TFCP2L1: variants seen among roughly 807,000 people sequenced by gnomAD.
The protein encoded by TFCP2L1 is transcription factor CP2 like 1, also known as transcription factor CP2-like protein 1.
In TFCP2L1, 12 loss-of-function variants were observed where a neutral mutation model predicts 72.2. The observed-to-expected ratio is 0.17, with a 90% CI of 0.11 to 0.27. The LOEUF (loss-of-function observed/expected upper bound fraction) is 0.27, where lower values mean the gene tolerates loss of function less well. Among genes scored for constraint, TFCP2L1 ranks in the 10% least tolerant of loss-of-function variants. The pLI is 1.00. For synonymous variants in TFCP2L1, 260 were observed against 251.0 expected, an observed-to-expected ratio of 1.04 and a Z score of -0.34; for missense variants, 488 against 624.6, an observed-to-expected ratio of 0.78 and a Z score of 2.33.
intron 2 of TFCP2L1, among the ~76,000 whole-genome samples, chr2:121,274,037 T>C (rs747271607): frequency 7.6e-5 from 11 of 144,022 alleles, no homozygotes; most frequent in Admixed American, 5.2e-4. Flanking sequence ...GAGGTTGCAG[T>C]GAGCCGAGGT....
chr2:121,285,120 C>A lies in TFCP2L1; in HGVS notation c.-11G>T. The A allele has an allele frequency of 6.7e-7, 1 of 1,491,698 alleles. No individual in the cohort carries two copies. Among genetic ancestry groups the A allele is most frequent in the East Asian group, 2.9e-5 (1 of 35,084 alleles). The allele number at this position is 1,491,698 out of a possible 1,614,324, so 92.4% of individuals were successfully genotyped here. A position where few individuals can be genotyped will look rare whatever the true frequency, so the allele number is the denominator to read the frequency against. ...GTGCCAGAAGAGCATGGCTGGAACTCCCAGCGCGCCGACCGGGGCGCGGCA... is the reference window on the plus strand; with the variant it reads ...GTGCCAGAAGAGCATGGCTGGAACTACCAGCGCGCCGACCGGGGCGCGGCA... On this transcript the variant is annotated 5_prime_UTR_variant, in exon 1 of 15. Transcript: ENST00000263707.
chr2:121,267,083 A>T (rs1292040307), intron 2 of TFCP2L1, among the ~76,000 whole-genome samples: 1 of 151,734 alleles, frequency 6.6e-6, no homozygotes, highest in African/African-American at 2.4e-5. Context: ...ACGCCCAGCT[A>T]ATTTTTGTAT....
Position 121,269,918 on chromosome 2 carries a change from A to AAAAAAAAAAAAAAAAAAAATAT in TFCP2L1, c.214+11201_214+11202insATATTTTTTTTTTTTTTTTTTT. Among the ~76,000 whole-genome samples the AAAAAAAAAAAAAAAAAAAATAT allele has an allele frequency of 7.5e-4, 86 of 115,100 alleles. 1 individual carries two copies. Among genetic ancestry groups the AAAAAAAAAAAAAAAAAAAATAT allele is most frequent in the African/African-American group, 2.2e-3 (59 of 26,876 alleles). 75.5% of individuals were successfully genotyped at this position (115,100 alleles called of 152,430 possible). On this transcript the variant is annotated intron_variant, in intron 2 of 14. Coordinates refer to ENST00000263707, the MANE Select transcript of TFCP2L1 (RefSeq NM_014553.3). ...AGCAAGACTCCATCTAAAAAAAAAAAATATATATATATATATATGCAAAAG... is the reference window on the plus strand; with the variant it reads ...AGCAAGACTCCATCTAAAAAAAAAAAAAAAAAAAAAAAAAAAAAATATATATATATATATATATATGCAAAAG...
chr2:121,262,725 T>C (rs1686849886), intron 2 of TFCP2L1, among the ~76,000 whole-genome samples: 1 of 152,158 alleles, frequency 6.6e-6, no homozygotes, highest in African/African-American at 2.4e-5. Context: ...TAGGTTAACA[T>C]TATGGGAAAC....
At position 121,283,023 on chromosome 2, in the gene TFCP2L1, G is replaced by T. The variant is rs373488245; in HGVS notation, c.63-1752C>A. On this transcript the variant is annotated intron_variant, in intron 1 of 14. Coordinates refer to ENST00000263707, the MANE Select transcript of TFCP2L1 (RefSeq NM_014553.3). ...TCAGAGCAGGGCACACTCCCAGCCC[G>T]GGTGGTTCTCTAGGAACACTGAGGA... Among the ~76,000 whole-genome samples, 102 of 152,254 alleles carry T rather than the reference G, an allele frequency of 6.7e-4. 5 individuals are homozygous for T. The South Asian group carries it at 0.02, about 29-fold the overall frequency.
At chr2:121,235,574 C>CTTTTT (rs34634906) in intron 10 of TFCP2L1, among the ~76,000 whole-genome samples, 3 of 119,842 alleles carry the variant, frequency 2.5e-5, no homozygotes, top group South Asian at 2.9e-4. Context: ...TTCTTTCTTT[C>CTTTTT]TTTTTTTTTT....
intron 2 of TFCP2L1, among the ~76,000 whole-genome samples, chr2:121,257,427 CG>C (rs1686749937): frequency 6.6e-6 from 1 of 152,318 alleles, no homozygotes; most frequent in East Asian, 1.9e-4. Flanking sequence ...GCCACACAAA[CG>C]GGTGTGGAAA....
At chr2:121,231,710 T>A (rs1573359073) in intron 13 of TFCP2L1, 116 bp downstream of exon 13, 2 of 1,427,376 alleles carry the variant, frequency 1.4e-6, no homozygotes, top group African/African-American at 2.8e-5. Context: ...GCAGGTGGTG[T>A]GCAGATGAAC....
At chr2:121,242,855 C>G (rs1447055234) in intron 6 of TFCP2L1, among the ~76,000 whole-genome samples, 2 of 152,146 alleles carry the variant, frequency 1.3e-5, no homozygotes, top group African/African-American at 4.8e-5. Flanking sequence ...TGGCCATAAG[C>G]TGAAGGCCTC....
intron 2 of TFCP2L1, among the ~76,000 whole-genome samples, chr2:121,255,702 T>C (rs554355229): frequency 3.3e-5 from 5 of 151,756 alleles, no homozygotes; most frequent in Admixed American, 2.6e-4. Context: ...CCCATCTGGC[T>C]CCAATATTCA....
intron 8 of TFCP2L1, among the ~76,000 whole-genome samples, chr2:121,238,404 A>G (rs1453157676): frequency 6.6e-6 from 1 of 152,192 alleles, no homozygotes; most frequent in Non-Finnish European, 1.5e-5. Context: ...GAGGGGGTGC[A>G]CAAGCTTCCT....
At chr2:121,250,377 T>C (rs1005556842) in intron 2 of TFCP2L1, among the ~76,000 whole-genome samples, 14 of 148,474 alleles carry the variant, frequency 9.4e-5, no homozygotes, top group African/African-American at 3.3e-4. Flanking sequence ...CACACACACA[T>C]ACATATATGT....
At chr2:121,248,366 C>A (rs972543059) in intron 4 of TFCP2L1, 96 bp from the exon 5 acceptor site, 21 of 944,524 alleles carry the variant, frequency 2.2e-5, no homozygotes, top group African/African-American at 3.4e-5. Context: ...TCCTTCGCCC[C>A]AATTTGCAAT....
chr2:121,276,281 G>A (rs1369765410), intron 2 of TFCP2L1, among the ~76,000 whole-genome samples: 1 of 142,544 alleles, frequency 7.0e-6, no homozygotes, highest in Non-Finnish European at 1.5e-5. Flanking sequence ...TATTCTCATT[G>A]TTCAACTCCC....
At chr2:121,226,911 T>C (rs561983733) in intron 13 of TFCP2L1, among the ~76,000 whole-genome samples, 194 of 152,310 alleles carry the variant, frequency 1.3e-3, no homozygotes, top group African/African-American at 4.4e-3. Context: ...GACAAAGTTC[T>C]ACATCACAAA....
chr2:121,253,246 G>A (rs539446433), intron 2 of TFCP2L1, among the ~76,000 whole-genome samples: 1 of 152,338 alleles, frequency 6.6e-6, no homozygotes, highest in Admixed American at 6.5e-5. Context: ...CCCCAGTGCT[G>A]CTCATGGTGA....
chr2:121,246,713 T>C, intron 6 of TFCP2L1, 105 bp downstream of exon 6: 2 of 1,455,136 alleles, frequency 1.4e-6, no homozygotes, highest in South Asian at 1.3e-5. Context: ...GGATGCTGCG[T>C]TCCTCGCTGG....
chr2:121,283,154 A>AGTAACTTGTT (rs1486710369), intron 1 of TFCP2L1, among the ~76,000 whole-genome samples: 3 of 152,174 alleles, frequency 2.0e-5, no homozygotes, highest in African/African-American at 7.2e-5. Flanking sequence ...GTTAAGAACC[A>AGTAACTTGTT]TCCCTCAACA....
chr2:121,248,982 C>T lies in TFCP2L1; in HGVS notation c.397G>A (p.Asp133Asn). 2 of 1,590,128 alleles carry T rather than the reference C, an allele frequency of 1.3e-6. No homozygotes were observed. The highest frequency in any genetic ancestry group is 1.7e-6 in the Non-Finnish European group (2 of 1,168,862). ...SRPGDRILDI[D>N]IPLSVGILDP... Reference sequence around the variant, plus strand: ...GGCCTCTCCTGGCCAGGAGACTCACCGATGTCCAGGATCCGGTCCCCTGGC... The same window carrying T: ...GGCCTCTCCTGGCCAGGAGACTCACTGATGTCCAGGATCCGGTCCCCTGGC... Residue 133 changes from aspartate (D) to asparagine (N), a missense_variant and splice_region_variant, in exon 4 of 15, where the codon GAT becomes AAT. Around this residue, in one of 3 missense-constraint regions of TFCP2L1, gnomAD observed 129 missense variants for 236.0 expected, o/e 0.55. Coordinates refer to ENST00000263707, the MANE Select transcript of TFCP2L1 (RefSeq NM_014553.3).
Sources: allele counts gnomAD v4.1 joint callset (sites outside exome capture counted in the v4.1 genomes callset), GRCh38; gene constraint gnomAD v4.1.1; regional missense constraint gnomAD v4.1.1; transcripts MANE v1.5; gene names NCBI Gene and HGNC (gene_info 2026-07-23, HGNC 2026-07-21).